DPY19L2: variants seen among roughly 807,000 people sequenced by gnomAD.
DPY19L2 encodes the protein dpy-19 like 2, also known as probable C-mannosyltransferase DPY19L2.
A neutral mutation model predicts 97.9 loss-of-function variants in DPY19L2; 34 were observed. That is an observed-to-expected ratio of 0.35 (90% CI 0.26 to 0.46). DPY19L2 has a LOEUF of 0.46. Ranked by LOEUF, DPY19L2 falls within the 20% of genes least tolerant of loss-of-function variation. DPY19L2 has a pLI of 1.00. For synonymous variants in DPY19L2, 230 were observed against 307.9 expected, an observed-to-expected ratio of 0.75 and a Z score of 2.65; for missense variants, 623 against 911.4, an observed-to-expected ratio of 0.68 and a Z score of 4.07.
intron 21 of DPY19L2, among the ~76,000 whole-genome samples, chr12:63,561,983 A>G (rs1876621895): frequency 6.6e-6 from 1 of 152,162 alleles, no homozygotes; most frequent in Non-Finnish European, 1.5e-5. Flanking sequence ...ATGATTCAAA[A>G]TATCTTCTTT....
intron 16 of DPY19L2, among the ~76,000 whole-genome samples, chr12:63,589,904 G>A (rs1462725962): frequency 6.6e-6 from 1 of 152,144 alleles, no homozygotes; most frequent in African/African-American, 2.4e-5. Flanking sequence ...CCAGGTGGCT[G>A]GATCACTTGA....
intron 6 of DPY19L2, among the ~76,000 whole-genome samples, chr12:63,630,789 T>A (rs1322982188): frequency 6.6e-6 from 1 of 152,146 alleles, no homozygotes. Flanking sequence ...ACACCGCACT[T>A]ATTCCAAAAT....
At chr12:63,630,066 G>A (rs1051392552) in intron 6 of DPY19L2, among the ~76,000 whole-genome samples, 2 of 152,132 alleles carry the variant, frequency 1.3e-5, no homozygotes, top group East Asian at 1.9e-4. Context: ...CCTGAAGGAA[G>A]CATGAAATAT....
chr12:63,588,164 A>G (rs1484283519), intron 16 of DPY19L2, among the ~76,000 whole-genome samples: 1 of 152,212 alleles, frequency 6.6e-6, no homozygotes, highest in African/African-American at 2.4e-5. Context: ...ATGGAGAACA[A>G]CCTTCATAAA....
intron 19 of DPY19L2, among the ~76,000 whole-genome samples, chr12:63,578,639 C>T (rs111632171): frequency 0.05 from 7,547 of 152,094 alleles, 221 homozygotes; most frequent in African/African-American, 0.066. Context: ...GTTTACCTTC[C>T]AGTATAACTA....
At position 63,559,113 on chromosome 12, in the gene DPY19L2, C is replaced by A. The variant is rs1166089896; in HGVS notation, c.*1399G>T. The stretch of plus-strand genomic sequence containing the variant: ...TTATGTCTCTTTTCTTTGACGCTCT[C>A]CTTTTTTATCCTGTGCTTACACCAA... On this transcript the variant is annotated 3_prime_UTR_variant, in exon 22 of 22. Transcript: ENST00000324472. 1.3e-5 allele frequency: 2 copies of A among 152,072 alleles called. No individual in the cohort carries two copies. Among genetic ancestry groups the A allele is most frequent in the Non-Finnish European group, 2.9e-5 (2 of 68,010 alleles). The allele number at this position is 152,072 out of a possible 1,614,324, so 9.4% of individuals were successfully genotyped here. A position where few individuals can be genotyped will look rare whatever the true frequency, so the allele number is the denominator to read the frequency against.
rs140709111 is a variant in DPY19L2, at chr12:63,659,203, C to T, written c.588+2141G>A. Reference sequence around the variant, plus strand: ...CTAGAACCACTGACTTCATCGAGGTCAAAGTTAATATTCAAAATCAACTAT... The same window carrying T: ...CTAGAACCACTGACTTCATCGAGGTTAAAGTTAATATTCAAAATCAACTAT... On this transcript the variant is annotated intron_variant, in intron 4 of 21. Coordinates refer to ENST00000324472, the MANE Select transcript of DPY19L2 (RefSeq NM_173812.5). Among the ~76,000 whole-genome samples the T allele has an allele frequency of 4.4e-3, 676 of 152,038 alleles. 11 individuals are homozygous for T. The highest frequency in any genetic ancestry group is 0.015 in the African/African-American group (635 of 41,448).
At chr12:63,600,484 G>T in intron 12 of DPY19L2, 98 bp from the exon 13 acceptor site, 3 of 1,041,182 alleles carry the variant, frequency 2.9e-6, no homozygotes, top group African/African-American at 1.6e-5. Flanking sequence ...ATTTAATTAT[G>T]TGAGGTATAA....
chr12:63,568,503 C>T (rs1437384682), intron 21 of DPY19L2, among the ~76,000 whole-genome samples: 4 of 151,986 alleles, frequency 2.6e-5, no homozygotes, highest in Non-Finnish European at 5.9e-5. Context: ...CTACTTGAAT[C>T]GGTTTCTATT....
intron 6 of DPY19L2, among the ~76,000 whole-genome samples, chr12:63,634,269 G>A (rs1287446575): frequency 1.3e-5 from 2 of 152,118 alleles, no homozygotes; most frequent in African/African-American, 4.8e-5. Flanking sequence ...GCAGCTGTGA[G>A]GGGTAACAGG....
At chr12:63,646,512 A>C (rs2138148208) in intron 5 of DPY19L2, among the ~76,000 whole-genome samples, 1 of 152,302 alleles carries the variant, frequency 6.6e-6, no homozygotes, top group Middle Eastern at 3.4e-3. Flanking sequence ...CAAGTCTAAA[A>C]ATTTATTCAT....
chr12:63,596,347 T>C (rs1274256886), intron 14 of DPY19L2, among the ~76,000 whole-genome samples: 5 of 152,172 alleles, frequency 3.3e-5, no homozygotes, highest in Non-Finnish European at 7.4e-5. Flanking sequence ...AATGTGTGTC[T>C]ACCGATCCCT....
rs1297257208 is a variant in DPY19L2 at position 63,560,337 on chromosome 12, C to G, written c.*175G>C. On this transcript the variant is annotated 3_prime_UTR_variant, in exon 22 of 22. Coordinates refer to ENST00000324472, the MANE Select transcript of DPY19L2 (RefSeq NM_173812.5). ...TGACAAGCTTAATAAGGCTGACATT[C>G]AATGAACAGAAAAGTAATTTACCTT... The G allele has an allele frequency of 2.9e-6, 2 of 688,100 alleles. No individual in the cohort carries two copies. The highest frequency in any genetic ancestry group is 4.5e-6 in the Non-Finnish European group (2 of 447,488). 42.6% of individuals were successfully genotyped at this position (688,100 alleles called of 1,614,324 possible).
intron 6 of DPY19L2, among the ~76,000 whole-genome samples, chr12:63,631,435 C>A (rs1415195028): frequency 2.6e-5 from 4 of 152,218 alleles, no homozygotes; most frequent in Middle Eastern, 3.4e-3. Flanking sequence ...ACTATAAACA[C>A]CTCTATGCAA....
At chr12:63,577,357 T>C (rs1479522094) in intron 19 of DPY19L2, among the ~76,000 whole-genome samples, 1 of 152,002 alleles carries the variant, frequency 6.6e-6, no homozygotes, top group African/African-American at 2.4e-5. Context: ...GGGGAAACTC[T>C]CCAGGACTTT....
chr12:63,582,400 C>A lies in DPY19L2; in HGVS notation c.1725+6G>T, dbSNP rs1281133034. On this transcript the variant is annotated splice_donor_region_variant and intron_variant, in intron 18 of 21. Transcript: ENST00000324472. ...TAGTATTGTTATACAAGAATGAATCCCTTACCTGTCGAGAGCATATCAAGG... is the reference window on the plus strand; with the variant it reads ...TAGTATTGTTATACAAGAATGAATCACTTACCTGTCGAGAGCATATCAAGG... 1 of 1,609,488 alleles carries A rather than the reference C, an allele frequency of 6.2e-7. No homozygotes were observed. The highest frequency in any genetic ancestry group is 1.1e-5 in the South Asian group (1 of 89,710).
At chr12:63,624,833 G>C (rs1414742076) in intron 7 of DPY19L2, among the ~76,000 whole-genome samples, 1 of 151,998 alleles carries the variant, frequency 6.6e-6, no homozygotes, top group African/African-American at 2.4e-5. Flanking sequence ...TTATTACTTT[G>C]CAAGAGTCTT....
intron 6 of DPY19L2, among the ~76,000 whole-genome samples, chr12:63,638,872 C>A (rs1592689945): frequency 6.6e-6 from 1 of 152,052 alleles, no homozygotes; most frequent in East Asian, 1.9e-4. Context: ...TCATATGGAA[C>A]CAAAAAAGAG....
At chr12:63,635,169 A>G (rs1244340256) in intron 6 of DPY19L2, among the ~76,000 whole-genome samples, 1 of 152,206 alleles carries the variant, frequency 6.6e-6, no homozygotes, top group Non-Finnish European at 1.5e-5. Context: ...CAACGCAAAC[A>G]GGGTCTGGAG....
Sources: allele counts gnomAD v4.1 joint callset (sites outside exome capture counted in the v4.1 genomes callset), GRCh38; gene constraint gnomAD v4.1.1; transcripts MANE v1.5; gene names NCBI Gene and HGNC (gene_info 2026-07-23, HGNC 2026-07-21).